The following LINGO2 variants were observed in gnomAD, a reference collection of about 807,000 sequenced individuals.
The protein encoded by LINGO2 is leucine rich repeat and Ig domain containing 2.
A neutral mutation model predicts 30.6 loss-of-function variants in LINGO2; 14 were observed. That is an observed-to-expected ratio of 0.46 (90% confidence interval 0.30 to 0.72). LINGO2 has a LOEUF of 0.72. Ranked by LOEUF, LINGO2 falls within the 30% of genes least tolerant of loss-of-function variation. The pLI, the probability that LINGO2 is intolerant of heterozygous loss-of-function variation, is 0.07. For missense variants in LINGO2, 729 were observed against 751.7 expected, an observed-to-expected ratio of 0.97 and a Z score of 0.35; for synonymous variants, 317 against 288.5, an observed-to-expected ratio of 1.10 and a Z score of -1.00.
At chr9:28,415,183 G>C (rs1822917878) in intron 2 of LINGO2, among the ~76,000 whole-genome samples, 2 of 152,004 alleles carry the variant, frequency 1.3e-5, no homozygotes, top group African/African-American at 4.8e-5. Context: ...TCACGTGCTA[G>C]TTCCTTCTAT....
chr9:28,405,343 G>A (rs1822457995), intron 2 of LINGO2, among the ~76,000 whole-genome samples: 1 of 152,114 alleles, frequency 6.6e-6, no homozygotes, highest in Non-Finnish European at 1.5e-5. Flanking sequence ...CAAAGAGAGT[G>A]CTCATTCTGA....
At chr9:28,565,424 A>G (rs975522715) in intron 1 of LINGO2, among the ~76,000 whole-genome samples, 4 of 151,300 alleles carry the variant, frequency 2.6e-5, no homozygotes, top group African/African-American at 9.7e-5. Context: ...TGACCTCGTG[A>G]TACCCCTGCC....
intron 4 of LINGO2, among the ~76,000 whole-genome samples, chr9:28,107,160 C>A (rs995131700): frequency 6.6e-6 from 1 of 152,160 alleles, no homozygotes; most frequent in Admixed American, 6.6e-5. Flanking sequence ...AACTCTCTTG[C>A]ACAACATTTA....
At chr9:28,309,528 C>CAT (rs1000502924) in intron 3 of LINGO2, among the ~76,000 whole-genome samples, 19 of 151,390 alleles carry the variant, frequency 1.3e-4, no homozygotes, top group Admixed American at 7.9e-4. Context: ...CACATGTATA[C>CAT]ATATATAACT....
At chr9:28,495,107 C>T (rs900811097) in intron 1 of LINGO2, among the ~76,000 whole-genome samples, 1 of 152,126 alleles carries the variant, frequency 6.6e-6, no homozygotes, top group Admixed American at 6.6e-5. Flanking sequence ...TTTGTAGATT[C>T]TGGATATTAG....
chr9:29,050,802 T>C, the LINGO2 span, among the ~76,000 whole-genome samples: 1 of 152,194 alleles, frequency 6.6e-6, no homozygotes, highest in African/African-American at 2.4e-5. Flanking sequence ...AAATAGTTGC[T>C]ATTATACATA....
intron 4 of LINGO2, among the ~76,000 whole-genome samples, chr9:28,248,919 G>C (rs529708281): frequency 1.1e-3 from 167 of 152,172 alleles, no homozygotes; most frequent in Non-Finnish European, 1.6e-3. Flanking sequence ...CCAAGAGAGA[G>C]TTATTATTAA....
intron 4 of LINGO2, among the ~76,000 whole-genome samples, chr9:28,059,645 C>A (rs891331173): frequency 6.6e-6 from 1 of 152,090 alleles, no homozygotes; most frequent in African/African-American, 2.4e-5. Context: ...TTATCTCTAG[C>A]AACTTTTGTG....
At chr9:28,576,357 T>C (rs1253515879) in intron 1 of LINGO2, among the ~76,000 whole-genome samples, 2 of 152,194 alleles carry the variant, frequency 1.3e-5, no homozygotes, top group Non-Finnish European at 1.5e-5. Context: ...TTTTGCACCA[T>C]GGTAAACTAA....
intron 3 of LINGO2, among the ~76,000 whole-genome samples, chr9:28,351,988 C>A (rs376501363): frequency 4.5e-4 from 67 of 149,698 alleles, no homozygotes; most frequent in African/African-American, 1.3e-3. Context: ...TTAGGTATTG[C>A]TGGGATGTAT....
chr9:29,048,141 T>TA, the LINGO2 span, among the ~76,000 whole-genome samples: 6 of 151,456 alleles, frequency 4.0e-5, 1 homozygote, highest in Non-Finnish European at 5.9e-5. Flanking sequence ...TAAAATAAAA[T>TA]AAATAAATCA....
At chr9:28,618,279 G>A (rs1255452166) in intron 1 of LINGO2, among the ~76,000 whole-genome samples, 1 of 152,016 alleles carries the variant, frequency 6.6e-6, no homozygotes, top group Admixed American at 6.6e-5. Context: ...CAGTGATCAC[G>A]CCAAAAATCT....
intron 4 of LINGO2, among the ~76,000 whole-genome samples, chr9:28,271,642 G>T (rs879405733): frequency 1.3e-5 from 2 of 152,122 alleles, no homozygotes; most frequent in Non-Finnish European, 2.9e-5. Flanking sequence ...GATGACAATG[G>T]TTTCCACTGG....
At chr9:28,596,949 T>A (rs545843644) in intron 1 of LINGO2, among the ~76,000 whole-genome samples, 21 of 152,250 alleles carry the variant, frequency 1.4e-4, no homozygotes, top group Admixed American at 1.2e-3. Context: ...TGGCTATACA[T>A]CTCATGTTTA....
intron 1 of LINGO2, among the ~76,000 whole-genome samples, chr9:28,479,919 A>ATG (rs1825883475): frequency 4.5e-5 from 3 of 67,164 alleles, no homozygotes; most frequent in Non-Finnish European, 9.0e-5. Flanking sequence ...AGGTATATAT[A>ATG]TATATATATA....
At chr9:29,171,919 T>C in the LINGO2 span, among the ~76,000 whole-genome samples, 1 of 151,936 alleles carries the variant, frequency 6.6e-6, no homozygotes, top group Admixed American at 6.6e-5. Context: ...CTATAATACA[T>C]GTTAATGTAT....
the LINGO2 span, among the ~76,000 whole-genome samples, chr9:29,066,212 ATAT>A: frequency 1.6e-3 from 236 of 152,044 alleles, no homozygotes; most frequent in African/African-American, 5.5e-3. Flanking sequence ...CAGGAAAGAA[ATAT>A]TATAAACTGG....
At chr9:28,260,274 G>A (rs1320599250) in intron 4 of LINGO2, among the ~76,000 whole-genome samples, 1 of 149,500 alleles carries the variant, frequency 6.7e-6, no homozygotes, top group African/African-American at 2.5e-5. Context: ...AAACTTTTAG[G>A]TTGAACTGCC....
the LINGO2 span, among the ~76,000 whole-genome samples, chr9:29,106,961 A>T: frequency 2.0e-3 from 301 of 152,308 alleles, no homozygotes; most frequent in Non-Finnish European, 3.1e-3. Context: ...AGTGGCAGAC[A>T]ATACCAATAA....
Sources: allele counts gnomAD v4.1 joint callset (sites outside exome capture counted in the v4.1 genomes callset), GRCh38; gene constraint gnomAD v4.1.1; transcripts MANE v1.5; gene names NCBI Gene and HGNC (gene_info 2026-07-23, HGNC 2026-07-21).